The following KLF12 variants were observed in gnomAD, a reference collection of about 807,000 sequenced individuals.
The protein encoded by KLF12 is KLF transcription factor 12.
Under a neutral mutation model 37.8 loss-of-function variants are expected in KLF12, and 9 were observed. The ratio of observed to expected loss-of-function variants is 0.24; its 90% CI spans 0.14 to 0.42. KLF12 has a LOEUF of 0.42. Ranked by LOEUF, KLF12 falls within the 10% of genes least tolerant of loss-of-function variation. The pLI is 1.00. For synonymous variants in KLF12, 208 were observed against 202.1 expected (o/e 1.03, Z -0.25); for missense variants, 411 against 516.0 (o/e 0.80, Z 1.97).
intron 4 of KLF12, among the ~76,000 whole-genome samples, chr13:73,833,485 G>C (rs1884271127): frequency 6.6e-6 from 1 of 152,168 alleles, no homozygotes; most frequent in African/African-American, 2.4e-5. Flanking sequence ...CACAGCAACA[G>C]CTTGGGGGAT....
intron 2 of KLF12, among the ~76,000 whole-genome samples, chr13:73,988,527 C>G (rs1891885347): frequency 6.6e-6 from 1 of 152,188 alleles, no homozygotes; most frequent in African/African-American, 2.4e-5. Context: ...ACAGAAGTTG[C>G]CAACATTCTG....
chr13:73,978,069 T>G (rs1166604601), intron 2 of KLF12, among the ~76,000 whole-genome samples: 1 of 152,192 alleles, frequency 6.6e-6, no homozygotes, highest in Non-Finnish European at 1.5e-5. Context: ...CAAAGATGAT[T>G]TTTTTAGACA....
chr13:73,860,900 A>G (rs1045501694), intron 3 of KLF12, among the ~76,000 whole-genome samples: 1 of 152,228 alleles, frequency 6.6e-6, no homozygotes, highest in African/African-American at 2.4e-5. Flanking sequence ...CAGAACTTTA[A>G]GTGACTAGTT....
chr13:73,900,591 A>C (rs1887992689), intron 3 of KLF12, among the ~76,000 whole-genome samples: 1 of 152,108 alleles, frequency 6.6e-6, no homozygotes, highest in Admixed American at 6.5e-5. Flanking sequence ...AATCCCATTA[A>C]GTACATAGAA....
chr13:73,936,287 A>G (rs535040285), intron 3 of KLF12, among the ~76,000 whole-genome samples: 1 of 152,178 alleles, frequency 6.6e-6, no homozygotes, highest in East Asian at 1.9e-4. Context: ...GGTCCTTTCA[A>G]TGCTTGTTTC....
chr13:73,927,043 C>A (rs9573328), intron 3 of KLF12, among the ~76,000 whole-genome samples: 39,124 of 151,916 alleles, frequency 0.26, 5,436 homozygotes, highest in East Asian at 0.58. Context: ...GAAAGGGTGT[C>A]ATGTATGAAA....
intron 6 of KLF12, among the ~76,000 whole-genome samples, chr13:73,721,997 T>G (rs1458994860): frequency 6.6e-6 from 1 of 152,168 alleles, no homozygotes; most frequent in Admixed American, 6.5e-5. Context: ...TCCACTTTAT[T>G]TACAATTGTA....
At chr13:73,867,689 C>T (rs1306203878) in intron 3 of KLF12, among the ~76,000 whole-genome samples, 1 of 152,020 alleles carries the variant, frequency 6.6e-6, no homozygotes, top group African/African-American at 2.4e-5. Flanking sequence ...TTTTCAAGTA[C>T]TTATGAACTA....
intron 1 of KLF12, among the ~76,000 whole-genome samples, chr13:74,087,577 A>G (rs887387202): frequency 2.6e-5 from 4 of 152,228 alleles, no homozygotes; most frequent in Non-Finnish European, 5.9e-5. Flanking sequence ...TGGCTAAATC[A>G]GTGATGAAGA....
chr13:74,246,747 G>A, the KLF12 span, among the ~76,000 whole-genome samples: 1 of 152,200 alleles, frequency 6.6e-6, no homozygotes, highest in South Asian at 2.1e-4. Flanking sequence ...GAGGATCTCT[G>A]CACACTTATG....
At chr13:74,039,368 T>C (rs1435302712) in intron 1 of KLF12, among the ~76,000 whole-genome samples, 1 of 151,904 alleles carries the variant, frequency 6.6e-6, no homozygotes. Flanking sequence ...AGACCCCATC[T>C]CTACCAAAAG....
At chr13:74,120,883 C>T (rs1017326564) in intron 1 of KLF12, among the ~76,000 whole-genome samples, 1 of 146,638 alleles carries the variant, frequency 6.8e-6, no homozygotes, top group Non-Finnish European at 1.5e-5. Context: ...AACAGATTAA[C>T]TAATAAGCCA....
chr13:73,976,499 C>T (rs185312433), intron 2 of KLF12, among the ~76,000 whole-genome samples: 100 of 152,266 alleles, frequency 6.6e-4, no homozygotes, highest in African/African-American at 2.4e-3. Flanking sequence ...TGTTAACACT[C>T]CAAGCCAAGC....
the KLF12 span, among the ~76,000 whole-genome samples, chr13:74,160,415 T>A: frequency 6.6e-6 from 1 of 152,218 alleles, no homozygotes; most frequent in Non-Finnish European, 1.5e-5. Flanking sequence ...GATATATCCT[T>A]TGTATATTTT....
chr13:74,090,972 T>C (rs1032331562), intron 1 of KLF12, among the ~76,000 whole-genome samples: 1 of 150,374 alleles, frequency 6.7e-6, no homozygotes, highest in Non-Finnish European at 1.5e-5. Flanking sequence ...TACTCTTCCA[T>C]TTCGAAACTT....
chr13:74,279,617 G>T, the KLF12 span, among the ~76,000 whole-genome samples: 1 of 151,646 alleles, frequency 6.6e-6, no homozygotes, highest in Non-Finnish European at 1.5e-5. Context: ...AGCATGTTAA[G>T]CACAGTAATG....
Position 73,700,277 on chromosome 13 carries a change from TAAA to T in KLF12, c.1028-4609_1028-4607del, listed in dbSNP as rs1408373249. Among the ~76,000 whole-genome samples the T allele has an allele frequency of 4.0e-4, 60 of 150,216 alleles. 2 individuals carry two copies. In the South Asian group the frequency reaches 4.6e-3, roughly 12 times the overall value. The stretch of plus-strand genomic sequence containing the variant: ...GCAAGACTCTGTCTCAAAAAATAAA[TAAA>T]TAAATTAATTAATTAATTAAAAAGA... On this transcript the variant is annotated intron_variant, in intron 7 of 7. Coordinates refer to ENST00000377669, the MANE Select transcript of KLF12 (RefSeq NM_007249.5).
rs372464819 is a variant in KLF12, at chr13:73,926,089, C to T, written c.123+17892G>A. On this transcript the variant is annotated intron_variant, in intron 3 of 7. Coordinates refer to ENST00000377669, the MANE Select transcript of KLF12 (RefSeq NM_007249.5). The stretch of plus-strand genomic sequence containing the variant: ...CAAAAGATTTAGAATACTTTATGAA[C>T]GTAGTTGAGCATGCAGAGGCAGGGT... Among the ~76,000 whole-genome samples, 8 of 152,078 alleles carry T rather than the reference C, an allele frequency of 5.3e-5. No homozygotes were observed. The South Asian group carries it at 8.4e-4, about 16-fold the overall frequency.
chr13:73,737,650 T>A (rs1877557146), intron 6 of KLF12, among the ~76,000 whole-genome samples: 1 of 152,204 alleles, frequency 6.6e-6, no homozygotes, highest in Non-Finnish European at 1.5e-5. Context: ...TACTGGGCAA[T>A]TAAAATATAC....
Sources: allele counts gnomAD v4.1 joint callset (sites outside exome capture counted in the v4.1 genomes callset), GRCh38; gene constraint gnomAD v4.1.1; transcripts MANE v1.5; gene names NCBI Gene and HGNC (gene_info 2026-07-23, HGNC 2026-07-21).